Variants in EDIL3 observed in about 807,000 individuals in gnomAD.
EDIL3 encodes the protein EGF-like repeat and discoidin I-like domain-containing protein 3.
In EDIL3, 37 loss-of-function variants were observed where a neutral mutation model predicts 67.4. That is an observed-to-expected ratio of 0.55 (90% CI 0.42 to 0.72). The LOEUF (loss-of-function observed/expected upper bound fraction) is 0.72, where lower values mean the gene tolerates loss of function less well. Among genes scored for constraint, EDIL3 ranks in the 30% least tolerant of loss-of-function variants. The probability of loss-of-function intolerance (pLI) is 0.00; values close to 1 mark genes in which losing one functional copy is unlikely to be tolerated. For synonymous variants in EDIL3, 195 were observed against 196.3 expected (o/e 0.99, Z 0.05); for missense variants, 527 against 586.3 (o/e 0.90, Z 1.04).
intron 6 of EDIL3, among the ~76,000 whole-genome samples, chr5:84,072,780 T>G (rs1746763153): frequency 6.6e-6 from 1 of 152,070 alleles, no homozygotes; most frequent in Non-Finnish European, 1.5e-5. Context: ...ACTATTTACT[T>G]GTAAAACATA....
At chr5:84,063,583 T>C in intron 8 of EDIL3, among the ~76,000 whole-genome samples, 1 of 152,154 alleles carries the variant, frequency 6.6e-6, no homozygotes, top group Non-Finnish European at 1.5e-5. Flanking sequence ...GGCTATTTAA[T>C]AGTAAATTTT....
chr5:84,050,230 A>T (rs919842682), intron 9 of EDIL3, among the ~76,000 whole-genome samples: 28 of 151,708 alleles, frequency 1.8e-4, no homozygotes, highest in Non-Finnish European at 4.4e-5. Flanking sequence ...AAATCACACA[A>T]GAATATTTGC....
chr5:84,258,703 C>G (rs976389090), intron 1 of EDIL3, among the ~76,000 whole-genome samples: 1 of 152,158 alleles, frequency 6.6e-6, no homozygotes, highest in Non-Finnish European at 1.5e-5. Context: ...TCAAAACCAT[C>G]ATATCTCAGC....
In EDIL3 at chr5:84,027,399, T is replaced by C. The variant is rs558571567; in HGVS notation, c.1137+32901A>G. 7.2e-5 allele frequency among the ~76,000 whole-genome samples: 11 copies of C among 152,292 alleles called. No individual in the cohort carries two copies. The South Asian group carries it at 2.3e-3, about 32-fold the overall frequency. ...ACAAACACAGCAGTCTTCAAACATA[T>C]GCTGTAAGAATTCAGAGAAGGGAAG... On this transcript the variant is annotated intron_variant, in intron 9 of 10. Coordinates refer to ENST00000296591, the MANE Select transcript of EDIL3 (RefSeq NM_005711.5).
intron 4 of EDIL3, among the ~76,000 whole-genome samples, chr5:84,142,839 T>C (rs1366125473): frequency 7.0e-6 from 1 of 142,748 alleles, no homozygotes; most frequent in Non-Finnish European, 1.5e-5. Flanking sequence ...CCAAGCTTTT[T>C]TTTCTTTTGC....
chr5:84,314,643 C>T (rs73144521), intron 1 of EDIL3, among the ~76,000 whole-genome samples: 429 of 152,200 alleles, frequency 2.8e-3, no homozygotes, highest in African/African-American at 0.01. Context: ...GATAAATTGT[C>T]ATAATTTAAT....
chr5:84,135,593 C>A (rs971863552), intron 5 of EDIL3, among the ~76,000 whole-genome samples: 1 of 152,182 alleles, frequency 6.6e-6, no homozygotes, highest in South Asian at 2.1e-4. Flanking sequence ...AAGTGCTGTG[C>A]CTGGGACAGG....
At chr5:84,349,017 T>C (rs1324099162) in intron 1 of EDIL3, among the ~76,000 whole-genome samples, 1 of 152,234 alleles carries the variant, frequency 6.6e-6, no homozygotes, top group East Asian at 1.9e-4. Flanking sequence ...CTAATGAACA[T>C]TGCTAATAAT....
At chr5:84,382,218 T>C (rs958481070) in intron 1 of EDIL3, among the ~76,000 whole-genome samples, 1 of 152,182 alleles carries the variant, frequency 6.6e-6, no homozygotes, top group Non-Finnish European at 1.5e-5. Flanking sequence ...TCCTGAAGAA[T>C]ATGGAGCATC....
intron 1 of EDIL3, among the ~76,000 whole-genome samples, chr5:84,351,356 A>G (rs1747355123): frequency 6.6e-6 from 1 of 152,138 alleles, no homozygotes; most frequent in African/African-American, 2.4e-5. Flanking sequence ...ACACTAAGTA[A>G]TGGCCCTAGG....
At chr5:84,013,186 T>A (rs766939418) in intron 9 of EDIL3, among the ~76,000 whole-genome samples, 33 of 151,950 alleles carry the variant, frequency 2.2e-4, no homozygotes, top group Non-Finnish European at 3.1e-4. Context: ...TATACATATG[T>A]GTGTATATAT....
At chr5:83,962,870 T>C (rs1235982681) in intron 10 of EDIL3, among the ~76,000 whole-genome samples, 1 of 151,694 alleles carries the variant, frequency 6.6e-6, no homozygotes, top group Non-Finnish European at 1.5e-5. Context: ...GCATATATTC[T>C]AGCAATAACT....
At chr5:84,104,037 G>A (rs944482947) in intron 6 of EDIL3, among the ~76,000 whole-genome samples, 11 of 151,972 alleles carry the variant, frequency 7.2e-5, no homozygotes, top group Admixed American at 1.3e-4. Flanking sequence ...CTATGCAGCT[G>A]CAAAAGAGTC....
chr5:83,980,367 TATCTGGATTGGA>T (rs1744949978), intron 9 of EDIL3, among the ~76,000 whole-genome samples: 1 of 151,870 alleles, frequency 6.6e-6, no homozygotes, highest in South Asian at 2.1e-4. Context: ...AAATAAAAGG[TATCTGGATTGGA>T]AAAAAGTAAA....
intron 5 of EDIL3, among the ~76,000 whole-genome samples, chr5:84,136,148 A>G (rs1748088211): frequency 6.6e-6 from 1 of 152,148 alleles, no homozygotes; most frequent in South Asian, 2.1e-4. Context: ...CAGGTATCTC[A>G]GTCTTGAGGA....
In EDIL3 at chr5:84,088,056, C is replaced by G. The variant is rs1283112350; in HGVS notation, c.651+18593G>C. 2.6e-5 allele frequency among the ~76,000 whole-genome samples: 4 copies of G among 152,100 alleles called. No individual in the cohort carries two copies. In the East Asian group the frequency reaches 7.7e-4, roughly 29 times the overall value. On this transcript the variant is annotated intron_variant, in intron 6 of 10. Coordinates refer to ENST00000296591, the MANE Select transcript of EDIL3 (RefSeq NM_005711.5). ...TTGCTTGTTGAATGAAATCAAATAGCTTTTTCTCTCTGAAATGTCCACAGA... is the reference window on the plus strand; with the variant it reads ...TTGCTTGTTGAATGAAATCAAATAGGTTTTTCTCTCTGAAATGTCCACAGA...
At chr5:83,999,496 A>G (rs569663513) in intron 9 of EDIL3, among the ~76,000 whole-genome samples, 2 of 152,264 alleles carry the variant, frequency 1.3e-5, no homozygotes, top group Admixed American at 1.3e-4. Context: ...AAGCTACAAA[A>G]TTCAATGGAA....
chr5:84,310,058 C>A (rs2112141248), intron 1 of EDIL3, among the ~76,000 whole-genome samples: 1 of 152,252 alleles, frequency 6.6e-6, no homozygotes, highest in Middle Eastern at 3.4e-3. Context: ...AAATAGAAAA[C>A]CTCAGTTAAG....
intron 3 of EDIL3, among the ~76,000 whole-genome samples, chr5:84,209,236 GA>G (rs1744061358): frequency 6.6e-6 from 1 of 150,948 alleles, no homozygotes; most frequent in East Asian, 1.9e-4. Context: ...GGGGTGGGGG[GA>G]GAGGGGAGGG....
Sources: gnomAD v4.1 joint callset for allele counts (sites outside exome capture counted in the v4.1 genomes callset) on GRCh38, gnomAD v4.1.1 for gene constraint, MANE v1.5 for transcripts, NCBI Gene and HGNC (gene_info 2026-07-23, HGNC 2026-07-21) for gene names.